The following NEK6 variants were observed in gnomAD, a reference collection of about 807,000 sequenced individuals.
The protein encoded by NEK6 is serine/threonine-protein kinase Nek6.
NEK6 carries 27 observed loss-of-function variants against 43.5 expected under a neutral mutation model. The observed-to-expected ratio is 0.62, with a 90% confidence interval of 0.46 to 0.86. The LOEUF is 0.86. Among genes scored for constraint, NEK6 ranks in the 40% least tolerant of loss-of-function variants. The probability of loss-of-function intolerance (pLI) is 0.00; values close to 1 mark genes in which losing one functional copy is unlikely to be tolerated. For synonymous variants in NEK6, 167 were observed against 164.1 expected, an observed-to-expected ratio of 1.02 and a Z score of -0.14; for missense variants, 318 against 414.4, an observed-to-expected ratio of 0.77 and a Z score of 2.02.
At position 124,352,974 on chromosome 9, in the gene NEK6, T is replaced by G. The variant is rs1373893802; in HGVS notation, c.*2027T>G. ...CCAGGCCTGAGTGTTTGTGAAATGA[T>G]CATGTCCTACTTATTACAAAACCGT... On this transcript the variant is annotated 3_prime_UTR_variant, in exon 10 of 10. Transcript: ENST00000320246. 1 of 152,546 alleles carries G rather than the reference T, an allele frequency of 6.6e-6. No homozygotes were observed. Among genetic ancestry groups the G allele is most frequent in the Non-Finnish European group, 1.5e-5 (1 of 68,316 alleles). 9.4% of individuals were successfully genotyped at this position (152,546 alleles called of 1,614,324 possible).
chr9:124,282,023 G>C lies in NEK6; in HGVS notation c.-29-19913G>C, dbSNP rs530270440. Among the ~76,000 whole-genome samples, 4 of 152,316 alleles carry C rather than the reference G, an allele frequency of 2.6e-5. No individual in the cohort carries two copies. In the South Asian group the frequency reaches 8.3e-4, roughly 32 times the overall value. On this transcript the variant is annotated intron_variant, in intron 1 of 9. Coordinates refer to ENST00000320246, the MANE Select transcript of NEK6 (RefSeq NM_014397.6). ...GAACCTCTGAGTCATGGCCACACGT[G>C]AGCCCCCGGCTCTGCCCTGGTGTGC...
At chr9:124,340,337 T>C (rs1246217826) in intron 8 of NEK6, among the ~76,000 whole-genome samples, 1 of 152,160 alleles carries the variant, frequency 6.6e-6, no homozygotes, top group East Asian at 1.9e-4. Context: ...GTGGGGAGCA[T>C]GAGCCACTCT....
At chr9:124,350,496 C>T (rs1830201143) in intron 9 of NEK6, among the ~76,000 whole-genome samples, 2 of 48,860 alleles carry the variant, frequency 4.1e-5, no homozygotes, top group Admixed American at 5.8e-4. Context: ...GCGTGACTGA[C>T]AGCAGACACA....
intron 7 of NEK6, among the ~76,000 whole-genome samples, chr9:124,327,756 T>C (rs763401082): frequency 1.4e-4 from 21 of 152,152 alleles, no homozygotes; most frequent in Non-Finnish European, 8.8e-5. Context: ...CTGCTGTGAG[T>C]GTCCCGTTCA....
intron 2 of NEK6, among the ~76,000 whole-genome samples, chr9:124,307,973 A>G (rs1264471129): frequency 6.6e-6 from 1 of 152,188 alleles, no homozygotes; most frequent in Non-Finnish European, 1.5e-5. Flanking sequence ...CACTAGGCCC[A>G]TTCGACAGAT....
intron 7 of NEK6, among the ~76,000 whole-genome samples, chr9:124,332,260 TAC>T (rs138911427): frequency 0.042 from 6,416 of 152,350 alleles, 199 homozygotes; most frequent in Non-Finnish European, 0.062. Flanking sequence ...TTGTGGAAGA[TAC>T]AGCCTGGTAG....
intron 3 of NEK6, among the ~76,000 whole-genome samples, chr9:124,313,112 C>T (rs566590151): frequency 6.6e-6 from 1 of 152,312 alleles, no homozygotes; most frequent in South Asian, 2.1e-4. Flanking sequence ...AAAGTCAGGA[C>T]AGGAGCCATG....
intron 1 of NEK6, among the ~76,000 whole-genome samples, chr9:124,300,761 C>T (rs1002348842): frequency 6.6e-6 from 1 of 152,014 alleles, no homozygotes; most frequent in Non-Finnish European, 1.5e-5. Flanking sequence ...GGCTTTCATT[C>T]TCGCCCCCTC....
rs1833581590 is a variant in NEK6 at position 124,312,432 on chromosome 9, G to T, written c.91-77G>T. ...TCACCTTAGAGGGTGCTGTTGGGGT[G>T]CTGGGCCTCTAGGGGTCGTCCCCAG... On this transcript the variant is annotated intron_variant, in intron 2 of 9. Coordinates refer to ENST00000320246, the MANE Select transcript of NEK6 (RefSeq NM_014397.6). 1.4e-5 allele frequency: 21 copies of T among 1,479,726 alleles called. 1 individual carries two copies. The South Asian group carries it at 2.1e-4, about 15-fold the overall frequency. The allele number at this position is 1,479,726 out of a possible 1,614,324, so 91.7% of individuals were successfully genotyped here.
chr9:124,315,029 G>A (rs370678006), intron 4 of NEK6, among the ~76,000 whole-genome samples: 5 of 152,246 alleles, frequency 3.3e-5, no homozygotes, highest in Non-Finnish European at 5.9e-5. Flanking sequence ...AGGGCTGCCC[G>A]CCGAAGCCAC....
chr9:124,299,198 G>T (rs555835987), intron 1 of NEK6, among the ~76,000 whole-genome samples: 3 of 152,220 alleles, frequency 2.0e-5, no homozygotes, highest in Non-Finnish European at 2.9e-5. Context: ...CATGGGTCTC[G>T]CAGGGGTGAC....
chr9:124,349,975 C>T (rs997858393), intron 9 of NEK6, among the ~76,000 whole-genome samples: 1 of 152,264 alleles, frequency 6.6e-6, no homozygotes, highest in African/African-American at 2.4e-5. Context: ...AGGCCCCATC[C>T]CTCAGCCTAA....
chr9:124,292,507 G>A (rs1832469540), intron 1 of NEK6: 3 of 1,536,968 alleles, frequency 2.0e-6, no homozygotes, highest in Non-Finnish European at 2.6e-6. Flanking sequence ...GAGGCCACTG[G>A]ATGGGATTCT....
intron 1 of NEK6, among the ~76,000 whole-genome samples, chr9:124,295,997 G>A (rs143500571): frequency 2.7e-4 from 41 of 152,372 alleles, no homozygotes; most frequent in Admixed American, 1.3e-3. Context: ...CGTGGATGTT[G>A]GCTGATGTTG....
chr9:124,266,644 A>T (rs912620061), intron 1 of NEK6, among the ~76,000 whole-genome samples: 1 of 152,246 alleles, frequency 6.6e-6, no homozygotes, highest in Non-Finnish European at 1.5e-5. Context: ...AGGGGATGGG[A>T]CTTGGTCTGT....
Position 124,327,950 on chromosome 9 carries a change from C to T in NEK6, c.622+505C>T, listed in dbSNP as rs149297077. On this transcript the variant is annotated intron_variant, in intron 7 of 9. Coordinates refer to ENST00000320246, the MANE Select transcript of NEK6 (RefSeq NM_014397.6). ...TGGGACAGGGAAGGGGAGGGAGCAG[C>T]GTTCCAGGAAACAGTGGGTGAGCCT... Among the ~76,000 whole-genome samples the T allele has an allele frequency of 1.8e-3, 269 of 152,270 alleles. 1 individual carries two copies. The highest frequency in any genetic ancestry group is 6.1e-3 in the African/African-American group (253 of 41,526).
intron 1 of NEK6, among the ~76,000 whole-genome samples, chr9:124,272,737 G>C (rs1320431930): frequency 6.6e-6 from 1 of 152,184 alleles, no homozygotes; most frequent in African/African-American, 2.4e-5. Context: ...ACATGTGATC[G>C]CATCGACCTC....
intron 7 of NEK6, among the ~76,000 whole-genome samples, chr9:124,335,686 G>A (rs926591757): frequency 7.9e-5 from 12 of 152,216 alleles, no homozygotes; most frequent in African/African-American, 2.4e-4. Flanking sequence ...GCCGTCCTGC[G>A]CAGGGTACTG....
intron 7 of NEK6, among the ~76,000 whole-genome samples, chr9:124,338,650 G>T (rs1359324746): frequency 2.0e-5 from 3 of 152,196 alleles, no homozygotes; most frequent in Non-Finnish European, 2.9e-5. Context: ...CCGGCTAATT[G>T]GCGGGTGGCC....
Sources: gnomAD v4.1 joint callset for allele counts (sites outside exome capture counted in the v4.1 genomes callset) on GRCh38, gnomAD v4.1.1 for gene constraint, MANE v1.5 for transcripts, NCBI Gene and HGNC (gene_info 2026-07-23, HGNC 2026-07-21) for gene names.